Variants in PDE1C observed in about 807,000 individuals in gnomAD.
The protein encoded by PDE1C is dual specificity calcium/calmodulin-dependent 3',5'-cyclic nucleotide phosphodiesterase 1C.
Under a neutral mutation model 93.1 loss-of-function variants are expected in PDE1C, and 62 were observed. That is an observed-to-expected ratio of 0.67 (90% CI 0.54 to 0.82). The LOEUF is 0.82. Among genes scored for constraint, PDE1C ranks in the 40% least tolerant of loss-of-function variants. PDE1C has a pLI of 0.00. For synonymous variants in PDE1C, 325 were observed against 310.1 expected (o/e 1.05, Z -0.50); for missense variants, 742 against 884.6 (o/e 0.84, Z 2.04).
chr7:32,421,444 T>C (rs1043933888), intron 1 of PDE1C, among the ~76,000 whole-genome samples: 4 of 152,268 alleles, frequency 2.6e-5, no homozygotes, highest in Non-Finnish European at 5.9e-5. Flanking sequence ...ATTGACTAAA[T>C]GACTAGCAAG....
At chr7:31,936,771 A>G (rs1805146868) in intron 2 of PDE1C, among the ~76,000 whole-genome samples, 1 of 152,174 alleles carries the variant, frequency 6.6e-6, no homozygotes, top group African/African-American at 2.4e-5. Flanking sequence ...TATTTGTTCT[A>G]TAAACCAAAA....
At chr7:31,973,934 T>G (rs921714527) in intron 2 of PDE1C, among the ~76,000 whole-genome samples, 1 of 152,212 alleles carries the variant, frequency 6.6e-6, no homozygotes, top group Admixed American at 6.5e-5. Flanking sequence ...CAGGATTTAG[T>G]TCCAGATGTT....
intron 1 of PDE1C, among the ~76,000 whole-genome samples, chr7:32,069,885 G>T (rs1795823974): frequency 6.6e-6 from 1 of 152,200 alleles, no homozygotes; most frequent in Non-Finnish European, 1.5e-5. Context: ...CTGTTGGTAA[G>T]TTCTTGGACC....
the PDE1C span, among the ~76,000 whole-genome samples, chr7:31,726,288 A>T: frequency 6.6e-6 from 1 of 152,038 alleles, no homozygotes; most frequent in Non-Finnish European, 1.5e-5. Flanking sequence ...CTTGTCTTGA[A>T]CTCAAGTGAT....
At chr7:32,108,407 G>T (rs1798459352) in intron 3 of PDE1C, among the ~76,000 whole-genome samples, 1 of 149,498 alleles carries the variant, frequency 6.7e-6, no homozygotes, top group African/African-American at 2.5e-5. Context: ...GGTTGAGAAA[G>T]TCTTCCATAG....
At chr7:32,073,721 A>C (rs182531749), upstream of PDE1C, among the ~76,000 whole-genome samples, 1 of 152,368 alleles carries the variant, frequency 6.6e-6, no homozygotes, top group East Asian at 1.9e-4. Context: ...TACGTCACTC[A>C]GATTGTGTTC....
the PDE1C span, among the ~76,000 whole-genome samples, chr7:31,661,302 T>C: frequency 1.1e-3 from 163 of 152,288 alleles, no homozygotes; most frequent in African/African-American, 3.8e-3. Context: ...ATCTAGGATA[T>C]AATAAAGAAA....
intron 2 of PDE1C, among the ~76,000 whole-genome samples, chr7:32,007,562 T>C (rs1187678857): frequency 6.6e-6 from 1 of 152,330 alleles, no homozygotes; most frequent in South Asian, 2.1e-4. Flanking sequence ...TAGCTGACAA[T>C]AGATATAATG....
At chr7:31,733,952 C>T in the PDE1C span, among the ~76,000 whole-genome samples, 3 of 151,956 alleles carry the variant, frequency 2.0e-5, no homozygotes, top group Non-Finnish European at 2.9e-5. Context: ...TGCAGTGAGC[C>T]GAGATCATGC....
intron 3 of PDE1C, among the ~76,000 whole-genome samples, chr7:32,097,672 T>C (rs1584757323): frequency 6.6e-6 from 1 of 152,186 alleles, no homozygotes; most frequent in Non-Finnish European, 1.5e-5. Context: ...CTTACCTTGT[T>C]GGTGCATTTT....
intron 2 of PDE1C, among the ~76,000 whole-genome samples, chr7:31,972,936 C>T (rs1195737483): frequency 6.6e-6 from 1 of 152,114 alleles, no homozygotes; most frequent in East Asian, 1.9e-4. Context: ...ACTTTTCACC[C>T]TCACAGGTAG....
At chr7:31,912,421 C>T (rs1801352003) in intron 2 of PDE1C, among the ~76,000 whole-genome samples, 1 of 152,118 alleles carries the variant, frequency 6.6e-6, no homozygotes, top group Non-Finnish European at 1.5e-5. Context: ...TGTGGTGGCT[C>T]ATGCCTATAA....
At chr7:31,819,450 GCAAGTATACAGAGAATT>G (rs1301280319) in intron 14 of PDE1C, among the ~76,000 whole-genome samples, 2 of 152,084 alleles carry the variant, frequency 1.3e-5, no homozygotes, top group African/African-American at 2.4e-5. Context: ...TCCAACGACA[GCAAGTATACAGAGAATT>G]CACTTTTCAG....
chr7:32,079,799 C>T (rs1429714647), intron 3 of PDE1C, among the ~76,000 whole-genome samples: 1 of 152,178 alleles, frequency 6.6e-6, no homozygotes, highest in African/African-American at 2.4e-5. Flanking sequence ...CTAGGACCGG[C>T]ACAACATCAC....
chr7:31,935,334 A>G (rs1804890560), intron 2 of PDE1C, among the ~76,000 whole-genome samples: 1 of 152,140 alleles, frequency 6.6e-6, no homozygotes, highest in South Asian at 2.1e-4. Flanking sequence ...TTTACAAATT[A>G]AGTCAGTTAT....
intron 2 of PDE1C, among the ~76,000 whole-genome samples, chr7:31,976,238 G>A (rs569857820): frequency 6.6e-6 from 1 of 152,308 alleles, no homozygotes; most frequent in African/African-American, 2.4e-5. Flanking sequence ...GCAATCCAAT[G>A]TGGGTAAGAA....
chr7:32,169,715 G>A, intron 3 of PDE1C: 3 of 1,277,334 alleles, frequency 2.3e-6, no homozygotes, highest in South Asian at 1.2e-5. Context: ...CACTGACTAT[G>A]CATCTAACTG....
chr7:31,779,875 G>A (rs189267278), intron 16 of PDE1C, among the ~76,000 whole-genome samples: 4 of 152,120 alleles, frequency 2.6e-5, no homozygotes, highest in East Asian at 1.9e-4. Context: ...AAAGCCCTTC[G>A]CACTTCACCC....
At chr7:31,701,661 T>A in the PDE1C span, among the ~76,000 whole-genome samples, 3 of 152,222 alleles carry the variant, frequency 2.0e-5, no homozygotes, top group Non-Finnish European at 2.9e-5. Context: ...AGTCCATCAA[T>A]GCAGAAAACT....
Sources: allele counts gnomAD v4.1 joint callset (sites outside exome capture counted in the v4.1 genomes callset), GRCh38; gene constraint gnomAD v4.1.1; transcripts MANE v1.5; gene names NCBI Gene and HGNC (gene_info 2026-07-23, HGNC 2026-07-21).